RABGAP1L: variants seen among roughly 807,000 people sequenced by gnomAD.
RABGAP1L encodes the protein rab GTPase-activating protein 1-like.
RABGAP1L carries 63 observed loss-of-function variants against 137.7 expected under a neutral mutation model. The observed-to-expected ratio is 0.46, with a 90% CI of 0.37 to 0.56. The LOEUF (loss-of-function observed/expected upper bound fraction) is 0.56. RABGAP1L is among the 20% of genes least tolerant of loss of function. The pLI is 0.00. For missense variants in RABGAP1L, 1,095 were observed against 1,244.0 expected, an observed-to-expected ratio of 0.88 and a Z score of 1.80; for synonymous variants, 431 against 433.7, an observed-to-expected ratio of 0.99 and a Z score of 0.08.
intron 7 of RABGAP1L, among the ~76,000 whole-genome samples, chr1:174,263,296 G>A (rs2148635687): frequency 6.6e-6 from 1 of 152,326 alleles, no homozygotes; most frequent in Non-Finnish European, 1.5e-5. Context: ...CTCCAGTGAG[G>A]TCTGAATACC....
intron 16 of RABGAP1L, among the ~76,000 whole-genome samples, chr1:174,701,762 T>A (rs1013785069): frequency 1.7e-4 from 22 of 130,868 alleles, no homozygotes; most frequent in East Asian, 4.5e-4. Flanking sequence ...AAAAAAAAAA[T>A]TTAACCCTGA....
At chr1:174,808,466 A>G (rs1689548807) in intron 18 of RABGAP1L, among the ~76,000 whole-genome samples, 1 of 152,102 alleles carries the variant, frequency 6.6e-6, no homozygotes, top group Admixed American at 6.5e-5. Flanking sequence ...AAAACAAACA[A>G]AAAATTCAGT....
At chr1:174,683,802 GA>G (rs990035647) in intron 15 of RABGAP1L, among the ~76,000 whole-genome samples, 4 of 152,186 alleles carry the variant, frequency 2.6e-5, no homozygotes, top group African/African-American at 9.7e-5. Flanking sequence ...TTGTTGGCTA[GA>G]AAAGGATAAA....
At chr1:174,363,855 T>C (rs1353423064) in intron 11 of RABGAP1L, among the ~76,000 whole-genome samples, 1 of 110,668 alleles carries the variant, frequency 9.0e-6, no homozygotes, top group African/African-American at 2.9e-5. Flanking sequence ...CATTGATTTA[T>C]TTGCATATGT....
chr1:174,784,817 A>G (rs1015923974), intron 18 of RABGAP1L, among the ~76,000 whole-genome samples: 2 of 152,184 alleles, frequency 1.3e-5, no homozygotes, highest in East Asian at 1.9e-4. Flanking sequence ...AAGCCCTTGC[A>G]TGGTTGAGGA....
intron 13 of RABGAP1L, among the ~76,000 whole-genome samples, chr1:174,465,995 G>T (rs1657255358): frequency 6.6e-6 from 1 of 152,180 alleles, no homozygotes; most frequent in Non-Finnish European, 1.5e-5. Flanking sequence ...GTATTCTCTT[G>T]CTCAGTGTGC....
At chr1:174,962,206 CACA>C (rs796766886) in intron 20 of RABGAP1L, among the ~76,000 whole-genome samples, 9 of 135,432 alleles carry the variant, frequency 6.6e-5, no homozygotes, top group African/African-American at 2.5e-4. Flanking sequence ...ACCCCCCCCC[CACA>C]CACACACACA....
intron 13 of RABGAP1L, among the ~76,000 whole-genome samples, chr1:174,536,619 C>G (rs1664910882): frequency 6.6e-6 from 1 of 151,980 alleles, no homozygotes; most frequent in South Asian, 2.1e-4. Context: ...CTGATAACTG[C>G]TTTTAGATAA....
intron 7 of RABGAP1L, among the ~76,000 whole-genome samples, chr1:174,271,637 T>G (rs1674566725): frequency 6.6e-6 from 1 of 152,046 alleles, no homozygotes; most frequent in Non-Finnish European, 1.5e-5. Flanking sequence ...CTCTGGACTT[T>G]ACTTTGCTTA....
intron 17 of RABGAP1L, among the ~76,000 whole-genome samples, chr1:174,704,482 AT>A (rs1338729622): frequency 2.6e-5 from 4 of 152,250 alleles, no homozygotes; most frequent in Non-Finnish European, 5.9e-5. Context: ...TACTTGCCTA[AT>A]ACCTGAAGGT....
chr1:174,329,698 A>G (rs950169811), intron 11 of RABGAP1L, among the ~76,000 whole-genome samples: 14 of 152,328 alleles, frequency 9.2e-5, no homozygotes, highest in African/African-American at 3.1e-4. Context: ...AATGTGATAC[A>G]TCACATTAAC....
chr1:174,536,419 G>A (rs912667897), intron 13 of RABGAP1L, among the ~76,000 whole-genome samples: 1 of 151,980 alleles, frequency 6.6e-6, no homozygotes, highest in African/African-American at 2.4e-5. Context: ...AGAGAGAGGA[G>A]AGAAATGTGC....
intron 17 of RABGAP1L, among the ~76,000 whole-genome samples, chr1:174,710,004 A>C (rs2148549937): frequency 6.6e-6 from 1 of 152,354 alleles, no homozygotes; most frequent in African/African-American, 2.4e-5. Context: ...CAGCACGAGA[A>C]CTTCGTGAAG....
intron 13 of RABGAP1L, among the ~76,000 whole-genome samples, chr1:174,399,269 A>G (rs1448041526): frequency 6.6e-6 from 1 of 152,118 alleles, no homozygotes; most frequent in African/African-American, 2.4e-5. Context: ...CCTGTAGCCA[A>G]GAGTGTATGT....
At chr1:174,567,142 A>G (rs543000098) in intron 13 of RABGAP1L, among the ~76,000 whole-genome samples, 1 of 152,166 alleles carries the variant, frequency 6.6e-6, no homozygotes, top group South Asian at 2.1e-4. Flanking sequence ...CATTATCCCC[A>G]ACAAAAACTA....
chr1:174,843,127 A>C (rs1693605390), intron 19 of RABGAP1L, among the ~76,000 whole-genome samples: 1 of 151,874 alleles, frequency 6.6e-6, no homozygotes, highest in African/African-American at 2.4e-5. Context: ...ATTAGATTCT[A>C]CTGATTCGTA....
At chr1:174,344,480 T>C (rs1476628216) in intron 11 of RABGAP1L, among the ~76,000 whole-genome samples, 1 of 152,172 alleles carries the variant, frequency 6.6e-6, no homozygotes, top group East Asian at 1.9e-4. Flanking sequence ...GCTGCCTATT[T>C]AGTGATTAGG....
chr1:174,585,017 A>G (rs1669015745), intron 13 of RABGAP1L, among the ~76,000 whole-genome samples: 1 of 152,210 alleles, frequency 6.6e-6, no homozygotes. Context: ...TTGTAAGTAT[A>G]AAATATTTCA....
At chr1:174,969,210 C>T (rs1165395520) in intron 20 of RABGAP1L, 67 bp from the exon 21 acceptor site, 2 of 1,233,592 alleles carry the variant, frequency 1.6e-6, no homozygotes, top group Non-Finnish European at 2.3e-6. Flanking sequence ...TGTTTTTCCT[C>T]ACCAGTTCTG....
Sources: allele counts gnomAD v4.1 joint callset (sites outside exome capture counted in the v4.1 genomes callset), GRCh38; gene constraint gnomAD v4.1.1; transcripts MANE v1.5; gene names NCBI Gene and HGNC (gene_info 2026-07-23, HGNC 2026-07-21).